The following PDK1 variants were observed in gnomAD, a reference collection of about 807,000 sequenced individuals.
The protein encoded by PDK1 is pyruvate dehydrogenase kinase 1.
A neutral mutation model predicts 54.2 loss-of-function variants in PDK1; 39 were observed. The observed-to-expected ratio is 0.72, with a 90% CI of 0.56 to 0.94. The LOEUF is 0.94. PDK1 is among the 40% of genes least tolerant of loss of function. The probability of loss-of-function intolerance (pLI) is 0.00; values close to 1 mark genes in which losing one functional copy is unlikely to be tolerated. For missense variants in PDK1, 552 were observed against 566.0 expected (o/e 0.98, Z 0.25); for synonymous variants, 221 against 207.1 (o/e 1.07, Z -0.58).
chr2:172,619,854 TGAA>T, the PDK1 span, among the ~76,000 whole-genome samples: 1 of 152,182 alleles, frequency 6.6e-6, no homozygotes, highest in East Asian at 1.9e-4. Flanking sequence ...ATGTTTTACA[TGAA>T]GAACATTCCA....
chr2:172,716,053 A>C, the PDK1 span, among the ~76,000 whole-genome samples: 3 of 152,316 alleles, frequency 2.0e-5, no homozygotes, highest in Non-Finnish European at 4.4e-5. Context: ...ATTGCCACAG[A>C]TTTATAAAGG....
chr2:172,670,203 C>A, the PDK1 span, among the ~76,000 whole-genome samples: 1 of 152,174 alleles, frequency 6.6e-6, no homozygotes, highest in African/African-American at 2.4e-5. Context: ...AAGGCTCATG[C>A]CACTGTGCCC....
the PDK1 span, among the ~76,000 whole-genome samples, chr2:172,677,981 C>A: frequency 6.6e-6 from 1 of 152,064 alleles, no homozygotes; most frequent in East Asian, 1.9e-4. Flanking sequence ...CCAGCCTGGC[C>A]AACATGGTGA....
At chr2:172,668,837 G>GTATA in the PDK1 span, among the ~76,000 whole-genome samples, 57 of 129,014 alleles carry the variant, frequency 4.4e-4, no homozygotes, top group African/African-American at 1.6e-3. Context: ...ACATATGTAT[G>GTATA]TATATACACA....
the PDK1 span, among the ~76,000 whole-genome samples, chr2:172,709,176 C>T: frequency 6.6e-6 from 1 of 152,184 alleles, no homozygotes; most frequent in Admixed American, 6.5e-5. Flanking sequence ...AATACATCTA[C>T]TACCACCACC....
intron 5 of PDK1, among the ~76,000 whole-genome samples, chr2:172,565,723 C>T (rs1688901659): frequency 6.6e-6 from 1 of 152,190 alleles, no homozygotes; most frequent in South Asian, 2.1e-4. Context: ...CTATTTATAC[C>T]ACTTGTACAC....
At chr2:172,561,120 AT>A (rs1003360812) in intron 2 of PDK1, among the ~76,000 whole-genome samples, 1 of 152,236 alleles carries the variant, frequency 6.6e-6, no homozygotes, top group Non-Finnish European at 1.5e-5. Context: ...TTATGATGGG[AT>A]ATAATGGAGA....
intron 2 of PDK1, among the ~76,000 whole-genome samples, 197 bp from the exon 3 acceptor site, chr2:172,562,023 T>C (rs1394219039): frequency 2.0e-5 from 3 of 152,158 alleles, no homozygotes; most frequent in African/African-American, 7.2e-5. Context: ...TAGGAGAAAA[T>C]GTGCACCTTC....
the PDK1 span, among the ~76,000 whole-genome samples, chr2:172,661,137 G>A: frequency 5.1e-4 from 78 of 152,216 alleles, 1 homozygote; most frequent in Middle Eastern, 6.8e-3. Flanking sequence ...AGCAGCTAGG[G>A]CTGAGGCTTA....
chr2:172,670,474 G>T, the PDK1 span, among the ~76,000 whole-genome samples: 1 of 152,136 alleles, frequency 6.6e-6, no homozygotes, highest in Non-Finnish European at 1.5e-5. Flanking sequence ...AATTTATGAA[G>T]TTTTAATTAA....
Position 172,570,867 on chromosome 2 carries a change from A to G in PDK1, c.945+43A>G, listed in dbSNP as rs767082323. On this transcript the variant is annotated intron_variant, in intron 8 of 10. Transcript: ENST00000282077. ...TTTGTTTTCTTTTTTTTTTTTTTGT[A>G]ATTGATGAACAGACATGCAAAGGTA... 2.9e-5 allele frequency: 30 copies of G among 1,032,988 alleles called. No homozygotes were observed. The Middle Eastern group carries it at 6.2e-4, about 21-fold the overall frequency. 64.0% of individuals were successfully genotyped at this position (1,032,988 alleles called of 1,614,324 possible).
At chr2:172,709,423 G>GA in the PDK1 span, among the ~76,000 whole-genome samples, 1 of 152,054 alleles carries the variant, frequency 6.6e-6, no homozygotes, top group African/African-American at 2.4e-5. Context: ...ATGTTTTGTT[G>GA]AAAAAAGAAA....
At chr2:172,659,256 C>G in the PDK1 span, among the ~76,000 whole-genome samples, 1 of 152,290 alleles carries the variant, frequency 6.6e-6, no homozygotes, top group Non-Finnish European at 1.5e-5. Flanking sequence ...CGGTTTCCCC[C>G]GATAAAACCA....
chr2:172,596,081 A>G lies in PDK1; in HGVS notation c.*112A>G. The stretch of plus-strand genomic sequence containing the variant: ...CTTTATTTATCGTTTTCACAAAACT[A>G]TTTGAGTAGAATAAATGGAAACTGA... On this transcript the variant is annotated 3_prime_UTR_variant, in exon 11 of 11. Coordinates refer to ENST00000282077, the MANE Select transcript of PDK1 (RefSeq NM_002610.5). The G allele has an allele frequency of 1.1e-6, 1 of 888,372 alleles. No homozygotes were observed. The highest frequency in any genetic ancestry group is 1.7e-6 in the Non-Finnish European group (1 of 603,566). 55.0% of individuals were successfully genotyped at this position (888,372 alleles called of 1,614,324 possible). A position where few individuals can be genotyped will look rare whatever the true frequency, so the allele number is the denominator to read the frequency against.
At chr2:172,660,245 CTCTTTTTT>C in the PDK1 span, among the ~76,000 whole-genome samples, 204 of 55,652 alleles carry the variant, frequency 3.7e-3, 1 homozygote, top group African/African-American at 4.0e-3. Flanking sequence ...CTCTCTCTCT[CTCTTTTTT>C]TTTTTTTTTT....
At chr2:172,614,110 G>A in the PDK1 span, among the ~76,000 whole-genome samples, 12 of 151,826 alleles carry the variant, frequency 7.9e-5, no homozygotes, top group Admixed American at 1.3e-4. Flanking sequence ...AGCCGTGACC[G>A]CCCTCCCAGG....
chr2:172,583,790 C>G (rs10199472), intron 8 of PDK1, among the ~76,000 whole-genome samples: 1 of 151,816 alleles, frequency 6.6e-6, no homozygotes, highest in East Asian at 1.9e-4. Context: ...AAAAACTCAA[C>G]TATAAGCCAT....
chr2:172,660,762 G>A, the PDK1 span, among the ~76,000 whole-genome samples: 1 of 151,912 alleles, frequency 6.6e-6, no homozygotes, highest in Non-Finnish European at 1.5e-5. Context: ...TGGGTTTCCT[G>A]TGGATTCCTG....
the PDK1 span, among the ~76,000 whole-genome samples, chr2:172,651,238 G>A: frequency 8.5e-5 from 13 of 152,120 alleles, no homozygotes; most frequent in Admixed American, 3.3e-4. Context: ...GGTACATAAC[G>A]AAATGAAGGC....
Sources: gnomAD v4.1 joint callset for allele counts (sites outside exome capture counted in the v4.1 genomes callset) on GRCh38, gnomAD v4.1.1 for gene constraint, MANE v1.5 for transcripts, NCBI Gene and HGNC (gene_info 2026-07-23, HGNC 2026-07-21) for gene names.